Variants in PCLO observed in about 807,000 individuals in gnomAD.
PCLO encodes piccolo presynaptic cytomatrix protein, also known as protein piccolo.
PCLO carries 82 observed loss-of-function variants against 427.5 expected under a neutral mutation model. That is an observed-to-expected ratio of 0.19 (90% CI 0.16 to 0.23). The LOEUF (loss-of-function observed/expected upper bound fraction) is 0.23, where lower values mean the gene tolerates loss of function less well. Ranked by LOEUF, PCLO falls within the 10% of genes least tolerant of loss-of-function variation. PCLO has a pLI of 1.00. For synonymous variants in PCLO, 2,357 were observed against 2,155.4 expected (o/e 1.09, Z -2.59); for missense variants, 6,239 against 6,115.9 (o/e 1.02, Z -0.67).
chr7:82,928,300 A>G (rs1007142074), intron 6 of PCLO, among the ~76,000 whole-genome samples: 14 of 152,190 alleles, frequency 9.2e-5, no homozygotes, highest in African/African-American at 3.4e-4. Flanking sequence ...CCACTACTAC[A>G]TTACTAAAAG....
rs1453299009 is a variant in PCLO, at chr7:82,852,006, G to C, written c.13655-4759C>G. Among the ~76,000 whole-genome samples the C allele has an allele frequency of 2.6e-5, 4 of 151,700 alleles. No individual in the cohort carries two copies. In the East Asian group the frequency reaches 7.8e-4, roughly 29 times the overall value. ...GATCTATTTATATATTAACATAAAA[G>C]GGGGAAAGGTAAGAAGGATGGAAGA... On this transcript the variant is annotated intron_variant, in intron 10 of 24. Transcript: ENST00000333891.
chr7:82,994,490 A>C (rs1186754254), intron 3 of PCLO, among the ~76,000 whole-genome samples: 1 of 152,016 alleles, frequency 6.6e-6, no homozygotes, highest in Non-Finnish European at 1.5e-5. Context: ...TGTAAGCTAC[A>C]TGAAGAATTT....
chr7:82,976,328 A>G (rs970715379), intron 3 of PCLO, among the ~76,000 whole-genome samples: 13 of 152,102 alleles, frequency 8.5e-5, no homozygotes, highest in African/African-American at 2.9e-4. Flanking sequence ...CCTCTCCCCT[A>G]CTTTAAATTC....
intron 22 of PCLO, among the ~76,000 whole-genome samples, chr7:82,784,718 A>T (rs976977206): frequency 6.6e-6 from 1 of 152,230 alleles, no homozygotes; most frequent in Non-Finnish European, 1.5e-5. Context: ...AAAAAGGTAT[A>T]TCTGTGAGAA....
chr7:82,839,972 AG>A (rs1441539186), intron 14 of PCLO, among the ~76,000 whole-genome samples: 2 of 152,106 alleles, frequency 1.3e-5, no homozygotes, highest in African/African-American at 2.4e-5. Context: ...GAATAATAGT[AG>A]GGTAAATTTC....
intron 3 of PCLO, 72 bp from the exon 4 acceptor site, chr7:82,966,559 T>C (rs147108752): frequency 4.9e-6 from 5 of 1,029,218 alleles, no homozygotes; most frequent in African/African-American, 3.3e-5. Flanking sequence ...TTTACCAAAG[T>C]GAAAATTTGG....
At chr7:82,760,863 A>C (rs1790416575) in intron 23 of PCLO, 79 bp from the exon 24 acceptor site, 2 of 584,982 alleles carry the variant, frequency 3.4e-6, no homozygotes, top group African/African-American at 3.9e-5. Flanking sequence ...GTATACTGAG[A>C]GTTCTTGTTA....
At chr7:82,918,675 T>C (rs1274168257) in intron 6 of PCLO, among the ~76,000 whole-genome samples, 3 of 152,094 alleles carry the variant, frequency 2.0e-5, no homozygotes, top group Admixed American at 6.6e-5. Context: ...TATTTGTTTT[T>C]TCTTAACATG....
At chr7:83,020,958 A>G (rs371079899) in intron 3 of PCLO, among the ~76,000 whole-genome samples, 31 of 152,302 alleles carry the variant, frequency 2.0e-4, no homozygotes, top group African/African-American at 6.7e-4. Context: ...TGCTCTATAG[A>G]TAACAACTTG....
rs910320001 is a variant in PCLO at position 82,870,484 on chromosome 7, C to A, written c.13654+8853G>T. 3.3e-5 allele frequency among the ~76,000 whole-genome samples: 5 copies of A among 151,976 alleles called. 1 individual carries two copies. The highest frequency in any genetic ancestry group is 1.2e-4 in the African/African-American group (5 of 41,524). On this transcript the variant is annotated intron_variant, in intron 10 of 24. Coordinates refer to ENST00000333891, the MANE Select transcript of PCLO (RefSeq NM_033026.6). ...TTTAAGACCTGAGCTTATGAAACTA[C>A]TAGAAGAAAAACATTAAAAGAATAC...
At chr7:82,866,422 C>G (rs1248218883) in intron 10 of PCLO, among the ~76,000 whole-genome samples, 3 of 151,860 alleles carry the variant, frequency 2.0e-5, no homozygotes, top group Non-Finnish European at 4.4e-5. Flanking sequence ...AAGACCCATG[C>G]TTTCTTCACT....
intron 10 of PCLO, chr7:82,868,058 C>T (rs1222296324): frequency 2.2e-6 from 1 of 452,592 alleles, no homozygotes; most frequent in Non-Finnish European, 4.4e-6. Flanking sequence ...ACCTAACGCA[C>T]CAGCTTTAAG....
At chr7:83,048,429 A>G (rs934228828) in intron 3 of PCLO, among the ~76,000 whole-genome samples, 2 of 152,018 alleles carry the variant, frequency 1.3e-5, no homozygotes, top group Non-Finnish European at 2.9e-5. Flanking sequence ...CATGAATTAG[A>G]TCATATTTCA....
chr7:82,777,788 C>G (rs1057415609), intron 22 of PCLO, among the ~76,000 whole-genome samples: 12 of 152,064 alleles, frequency 7.9e-5, no homozygotes, highest in Non-Finnish European at 1.5e-4. Context: ...AATGTAAAAC[C>G]AAAAAGTATA....
At chr7:82,794,462 T>TTTTTTTTTTTTC (rs1791180763) in intron 22 of PCLO, among the ~76,000 whole-genome samples, 1 of 54,998 alleles carries the variant, frequency 1.8e-5, no homozygotes, top group Non-Finnish European at 2.9e-5. Flanking sequence ...TTTTTTTCTT[T>TTTTTTTTTTTTC]TTTTTTTTTT....
At chr7:83,136,745 C>T (rs1046598960) in intron 2 of PCLO, among the ~76,000 whole-genome samples, 1 of 151,854 alleles carries the variant, frequency 6.6e-6, no homozygotes, top group Non-Finnish European at 1.5e-5. Context: ...TATACATGTA[C>T]ATGTATGCAT....
rs1481516081 is a variant in PCLO, at chr7:82,982,238, TTG to T, written c.3301-15753_3301-15752del. Among the ~76,000 whole-genome samples, 3 of 152,224 alleles carry T rather than the reference TTG, an allele frequency of 2.0e-5. No homozygotes were observed. In the East Asian group the frequency reaches 5.8e-4, roughly 29 times the overall value. On this transcript the variant is annotated intron_variant, in intron 3 of 24. Coordinates refer to ENST00000333891, the MANE Select transcript of PCLO (RefSeq NM_033026.6). The stretch of plus-strand genomic sequence containing the variant: ...CTAGCAGAGAAAAAGAAAATATGAA[TTG>T]TCTCACTATATTTATAATAAAAGTT...
At chr7:83,064,414 T>C (rs1440626567) in intron 3 of PCLO, among the ~76,000 whole-genome samples, 3 of 151,978 alleles carry the variant, frequency 2.0e-5, no homozygotes, top group Non-Finnish European at 4.4e-5. Context: ...GGGAACACTT[T>C]AAATGGCAGG....
intron 6 of PCLO, among the ~76,000 whole-genome samples, chr7:82,923,278 GGAT>G (rs1794639168): frequency 6.6e-6 from 1 of 151,880 alleles, no homozygotes; most frequent in South Asian, 2.1e-4. Context: ...AAAATATGAA[GGAT>G]AATCTGGTTT....
Sources: gnomAD v4.1 joint callset for allele counts (sites outside exome capture counted in the v4.1 genomes callset) on GRCh38, gnomAD v4.1.1 for gene constraint, MANE v1.5 for transcripts, NCBI Gene and HGNC (gene_info 2026-07-23, HGNC 2026-07-21) for gene names.